The following RNGTT variants were observed in gnomAD, a reference collection of about 807,000 sequenced individuals.
RNGTT encodes the protein mRNA-capping enzyme.
Under a neutral mutation model 79.3 loss-of-function variants are expected in RNGTT, and 33 were observed. The observed-to-expected ratio is 0.42, with a 90% CI of 0.32 to 0.56. The LOEUF is 0.56. RNGTT is among the 20% of genes least tolerant of loss of function. RNGTT has a pLI of 0.17. For missense variants in RNGTT, 497 were observed against 739.1 expected, an observed-to-expected ratio of 0.67 and a Z score of 3.80; for synonymous variants, 222 against 235.9, an observed-to-expected ratio of 0.94 and a Z score of 0.54.
intron 4 of RNGTT, among the ~76,000 whole-genome samples, chr6:88,915,381 G>A (rs1475646483): frequency 6.6e-6 from 1 of 152,142 alleles, no homozygotes; most frequent in African/African-American, 2.4e-5. Flanking sequence ...GTCCATCAAT[G>A]GTGGACTAGG....
chr6:88,887,070 A>G (rs1243413433), intron 8 of RNGTT, among the ~76,000 whole-genome samples: 2 of 146,292 alleles, frequency 1.4e-5, no homozygotes, highest in African/African-American at 5.0e-5. Flanking sequence ...AAAAAAAAAA[A>G]GCCACTCTAC....
chr6:88,844,631 G>A (rs1175199644), intron 10 of RNGTT, 110 bp from the exon 11 acceptor site: 4 of 1,032,810 alleles, frequency 3.9e-6, no homozygotes, highest in Non-Finnish European at 5.6e-6. Flanking sequence ...AGCATCCTCT[G>A]GAGTTATTCA....
At chr6:88,631,782 A>T (rs1772898085) in intron 14 of RNGTT, among the ~76,000 whole-genome samples, 1 of 152,006 alleles carries the variant, frequency 6.6e-6, no homozygotes, top group African/African-American at 2.4e-5. Flanking sequence ...ATCCGTCAGG[A>T]ACCAGAATCA....
chr6:88,929,969 T>A (rs528792323), intron 2 of RNGTT, among the ~76,000 whole-genome samples: 1 of 149,634 alleles, frequency 6.7e-6, no homozygotes, highest in East Asian at 2.0e-4. Flanking sequence ...TACATATGTA[T>A]ACATGCATAT....
chr6:88,941,158 T>C lies in RNGTT; in HGVS notation c.87A>G (p.Thr29=), dbSNP rs986282052. The C allele has an allele frequency of 3.1e-6, 5 of 1,610,772 alleles. No individual in the cohort carries two copies. The highest frequency in any genetic ancestry group is 4.2e-6 in the Non-Finnish European group (5 of 1,177,250). The part of the protein sequence containing the change: ...PVAGRFLPLK[T]MLGPRYDSQV... ...GACTATCATATCTTGGTCCTAACAT[T>C]GTCTTCAGAGGTAAGAATCTTCCTA... is the stretch of plus-strand genomic sequence containing the variant. Residue 29 remains threonine, a synonymous_variant, in exon 2 of 16, where the codon ACA becomes ACG. Transcript: ENST00000369485.
At chr6:88,876,413 A>C (rs906665255) in intron 8 of RNGTT, among the ~76,000 whole-genome samples, 3 of 152,180 alleles carry the variant, frequency 2.0e-5, no homozygotes, top group African/African-American at 7.2e-5. Context: ...ACGCGCCTAT[A>C]GTCCCAGCTA....
intron 11 of RNGTT, among the ~76,000 whole-genome samples, chr6:88,812,283 G>C (rs1180680515): frequency 6.6e-6 from 1 of 152,042 alleles, no homozygotes; most frequent in Admixed American, 6.5e-5. Context: ...AATCCTATTT[G>C]ACAAGTTAGA....
intron 13 of RNGTT, among the ~76,000 whole-genome samples, chr6:88,703,576 T>C (rs1055159553): frequency 1.3e-5 from 2 of 152,162 alleles, no homozygotes; most frequent in African/African-American, 4.8e-5. Flanking sequence ...TGAAAAACTG[T>C]TGGGTACTAT....
intron 13 of RNGTT, among the ~76,000 whole-genome samples, chr6:88,743,752 T>C (rs1777570534): frequency 6.6e-6 from 1 of 152,244 alleles, no homozygotes; most frequent in Non-Finnish European, 1.5e-5. Context: ...ATTTTAGCTA[T>C]TGTGAATAAT....
intron 13 of RNGTT, among the ~76,000 whole-genome samples, chr6:88,742,643 G>A (rs2127826047): frequency 1.3e-5 from 2 of 152,248 alleles, no homozygotes; most frequent in East Asian, 3.9e-4. Flanking sequence ...CTATTGACAA[G>A]GCTTGGAAGA....
intron 14 of RNGTT, among the ~76,000 whole-genome samples, chr6:88,650,878 T>C (rs1029952623): frequency 6.6e-6 from 1 of 152,194 alleles, no homozygotes; most frequent in Non-Finnish European, 1.5e-5. Context: ...CATGACATAG[T>C]AAACTTCCAA....
intron 4 of RNGTT, among the ~76,000 whole-genome samples, chr6:88,915,474 G>T (rs1340372376): frequency 6.6e-6 from 1 of 152,176 alleles, no homozygotes; most frequent in Non-Finnish European, 1.5e-5. Context: ...CAGTAACATG[G>T]ATGCAGCTGG....
At chr6:88,926,581 C>A (rs930756067) in intron 4 of RNGTT, among the ~76,000 whole-genome samples, 23 of 152,144 alleles carry the variant, frequency 1.5e-4, no homozygotes, top group Admixed American at 6.5e-5. Context: ...TAAAGACCAT[C>A]TACATTTATT....
chr6:88,724,310 T>A (rs547315518), intron 13 of RNGTT, among the ~76,000 whole-genome samples: 3 of 152,328 alleles, frequency 2.0e-5, no homozygotes, highest in Non-Finnish European at 4.4e-5. Flanking sequence ...TGTACCATTT[T>A]AAAAAATCTT....
At chr6:88,835,905 G>A (rs887443935) in intron 11 of RNGTT, among the ~76,000 whole-genome samples, 1 of 150,538 alleles carries the variant, frequency 6.6e-6, no homozygotes, top group Non-Finnish European at 1.5e-5. Flanking sequence ...ACACTGAGGT[G>A]AAAGAATTGC....
chr6:88,810,682 T>C (rs1311698617), intron 11 of RNGTT, among the ~76,000 whole-genome samples: 2 of 152,232 alleles, frequency 1.3e-5, no homozygotes, highest in African/African-American at 2.4e-5. Flanking sequence ...TGATATTACA[T>C]TCAAAAAATA....
chr6:88,697,267 T>C lies in RNGTT; in HGVS notation c.1440-18848A>G, dbSNP rs537561126. ...TTAGTAAACATTAGATATGCATCCC[T>C]TTTATTAAAATATGAATTTTGCCCC... is the stretch of plus-strand genomic sequence containing the variant. On this transcript the variant is annotated intron_variant, in intron 13 of 15. Transcript: ENST00000369485. Among the ~76,000 whole-genome samples the C allele has an allele frequency of 2.2e-4, 33 of 152,300 alleles. 1 individual carries two copies. The Middle Eastern group carries it at 0.014, about 63-fold the overall frequency.
intron 14 of RNGTT, among the ~76,000 whole-genome samples, chr6:88,666,768 C>T (rs1002542608): frequency 3.9e-5 from 6 of 152,278 alleles, no homozygotes; most frequent in East Asian, 3.9e-4. Context: ...CAGTGGTAAA[C>T]CTTGGACACT....
chr6:88,942,358 T>C (rs1282938992), intron 1 of RNGTT, among the ~76,000 whole-genome samples: 3 of 152,082 alleles, frequency 2.0e-5, no homozygotes, highest in Admixed American at 1.3e-4. Flanking sequence ...TTAACATCTA[T>C]TTTAACTGAT....
Sources: allele counts gnomAD v4.1 joint callset (sites outside exome capture counted in the v4.1 genomes callset), GRCh38; gene constraint gnomAD v4.1.1; transcripts MANE v1.5; gene names NCBI Gene and HGNC (gene_info 2026-07-23, HGNC 2026-07-21).